The following ACACB variants were observed in gnomAD, a reference collection of about 807,000 sequenced individuals.
The protein encoded by ACACB is acetyl-CoA carboxylase 2.
Under a neutral mutation model 278.8 loss-of-function variants are expected in ACACB, and 209 were observed. The observed-to-expected ratio is 0.75, with a 90% CI of 0.67 to 0.84. The LOEUF is 0.84. Ranked by LOEUF, ACACB falls within the 40% of genes least tolerant of loss-of-function variation. The pLI is 0.00. For missense variants in ACACB, 2,850 were observed against 3,269.0 expected, an observed-to-expected ratio of 0.87 and a Z score of 3.13; for synonymous variants, 1,174 against 1,285.6, an observed-to-expected ratio of 0.91 and a Z score of 1.86.
intron 24 of ACACB, among the ~76,000 whole-genome samples, chr12:109,220,122 C>T (rs2136495004): frequency 6.6e-6 from 1 of 152,238 alleles, no homozygotes; most frequent in East Asian, 1.9e-4. Context: ...TCATGTACAC[C>T]AGAGGACAGC....
chr12:109,245,824 C>G (rs2046926599), intron 38 of ACACB, 76 bp downstream of exon 38: 1 of 1,554,730 alleles, frequency 6.4e-7, no homozygotes, highest in African/African-American at 1.4e-5. Context: ...TGCAGTAGCT[C>G]ACACCTGTAA....
intron 21 of ACACB, among the ~76,000 whole-genome samples, chr12:109,210,050 T>C (rs1213796011): frequency 2.0e-5 from 2 of 97,758 alleles, no homozygotes; most frequent in East Asian, 7.1e-4. Flanking sequence ...TGTGTATATA[T>C]ACACACACGT....
intron 24 of ACACB, 60 bp downstream of exon 24, chr12:109,216,980 T>C: frequency 1.3e-6 from 2 of 1,573,792 alleles, no homozygotes; most frequent in Non-Finnish European, 1.7e-6. Flanking sequence ...ACAAACGTTT[T>C]CTTAAAAGGG....
rs1464277235 is a variant in ACACB, at chr12:109,216,216, TCTC to T, written c.3351-401_3351-399del. Among the ~76,000 whole-genome samples the T allele has an allele frequency of 6.7e-4, 97 of 143,746 alleles. No individual in the cohort carries two copies. The South Asian group carries it at 0.011, about 17-fold the overall frequency. 94.3% of individuals were successfully genotyped at this position (143,746 alleles called of 152,430 possible). A position where few individuals can be genotyped will look rare whatever the true frequency, so the allele number is the denominator to read the frequency against. On this transcript the variant is annotated intron_variant, in intron 22 of 52. Coordinates refer to ENST00000338432, the MANE Select transcript of ACACB (RefSeq NM_001093.4). The stretch of plus-strand genomic sequence containing the variant: ...TCCTTTCTAAAATCCTTTCTCTCTC[TCTC>T]TTTTTTTTTTTTTTTTTTTTGAGAC...
chr12:109,199,744 T>C (rs7959980), intron 18 of ACACB, among the ~76,000 whole-genome samples, 192 bp downstream of exon 18: 16,282 of 152,204 alleles, frequency 0.11, 1,043 homozygotes, highest in Non-Finnish European at 0.14. Context: ...CTGGGCGTGG[T>C]GGTTCACGCC....
intron 2 of ACACB, among the ~76,000 whole-genome samples, chr12:109,154,268 C>T (rs1017770767): frequency 2.6e-5 from 4 of 152,198 alleles, no homozygotes; most frequent in African/African-American, 9.7e-5. Flanking sequence ...TGCGCAGCCA[C>T]CTGTCCCAGG....
Position 109,188,177 on chromosome 12 carries a change from CCTTCCTTCCT to C in ACACB, c.2144+16_2144+25del. The C allele has an allele frequency of 4.9e-6, 1 of 202,712 alleles. No homozygotes were observed. The highest frequency in any genetic ancestry group is 8.3e-6 in the Non-Finnish European group (1 of 119,956). The allele number at this position is 202,712 out of a possible 1,614,324, so 12.6% of individuals were successfully genotyped here. On this transcript the variant is annotated intron_variant, in intron 13 of 52. Coordinates refer to ENST00000338432, the MANE Select transcript of ACACB (RefSeq NM_001093.4). ...GAGGCCATTTCGTCAGTATCTCCTT[CCTTCCTTCCT>C]TCCTTCCTTCCTTCCTTCCTTCCTT...
At chr12:109,145,768 AGG>A (rs1387934110) in intron 2 of ACACB, among the ~76,000 whole-genome samples, 1 of 151,870 alleles carries the variant, frequency 6.6e-6, no homozygotes. Flanking sequence ...TGGGAGGCCG[AGG>A]GGGGCGGATC....
At chr12:109,133,872 T>A (rs12815738) in intron 1 of ACACB, among the ~76,000 whole-genome samples, 63 of 81,110 alleles carry the variant, frequency 7.8e-4, no homozygotes, top group African/African-American at 2.0e-3. Context: ...TATTTTTTTT[T>A]TTTTTTTTTT....
intron 1 of ACACB, among the ~76,000 whole-genome samples, chr12:109,128,939 A>G (rs1198291025): frequency 6.6e-6 from 1 of 151,926 alleles, no homozygotes; most frequent in Non-Finnish European, 1.5e-5. Flanking sequence ...TGTCTGGTCA[A>G]CTTAATAAAT....
At chr12:109,174,907 CT>C (rs1177048767) in intron 7 of ACACB, among the ~76,000 whole-genome samples, 9 of 151,318 alleles carry the variant, frequency 5.9e-5, no homozygotes, top group East Asian at 3.9e-4. Context: ...TAGTTTGTGA[CT>C]TTTTTTTTCC....
rs1273751566 is a variant in ACACB at position 109,193,635 on chromosome 12, T to G, written c.2400-13T>G. 3.7e-6 allele frequency: 6 copies of G among 1,607,574 alleles called. No homozygotes were observed. In the African/African-American group the frequency reaches 8.0e-5, roughly 21 times the overall value. ...CCTCCCAAGGCTGACCACAACCCTG[T>G]CTTTTCTTTCAGGGGCCAGGTCCTC... On this transcript the variant is annotated splice_polypyrimidine_tract_variant and intron_variant, in intron 15 of 52. Transcript: ENST00000338432.
chr12:109,178,824 T>C (rs1368507565), intron 9 of ACACB, among the ~76,000 whole-genome samples: 1 of 152,146 alleles, frequency 6.6e-6, no homozygotes, highest in Non-Finnish European at 1.5e-5. Flanking sequence ...TGTTTGTGAT[T>C]AGCCATCTCT....
Position 109,246,256 on chromosome 12 carries a change from T to C in ACACB, c.5379T>C (p.Asn1793=), listed in dbSNP as rs956749060. 1.9e-6 allele frequency: 3 copies of C among 1,613,256 alleles called. No homozygotes were observed. Among genetic ancestry groups the C allele is most frequent in the African/African-American group, 2.7e-5 (2 of 74,620 alleles). Residue 1793 remains asparagine, a synonymous_variant, in exon 39 of 53, where the codon AAT becomes AAC. Transcript: ENST00000338432. ...PEGRDVIVIG[N]DITFRIGSFG... ...GACGGGATGTGATCGTCATCGGCAA[T>C]GACATCACCTTTCGCATTGGATCCT...
Position 109,223,895 on chromosome 12 carries a change from G to T in ACACB, c.3873G>T (p.Ala1291=), listed in dbSNP as rs145779356. 17 of 1,613,784 alleles carry T rather than the reference G, an allele frequency of 1.1e-5. No individual in the cohort carries two copies. Among genetic ancestry groups the T allele is most frequent in the Admixed American group, 8.3e-5 (5 of 59,998 alleles). The part of the protein sequence containing the change: ...FYHANKVVCM[A]SLEVYVRRGY... Reference sequence around the variant, plus strand: ...ACGCAAACAAAGTCGTGTGCATGGCGTCCTTGGAGGTAAGCAGGAGAGGCC... The same window carrying T: ...ACGCAAACAAAGTCGTGTGCATGGCTTCCTTGGAGGTAAGCAGGAGAGGCC... Residue 1291 remains alanine (A), a synonymous_variant, in exon 27 of 53, where the codon GCG becomes GCT. Transcript: ENST00000338432.
chr12:109,245,425 C>G (rs1436229967), intron 37 of ACACB, among the ~76,000 whole-genome samples: 3 of 152,094 alleles, frequency 2.0e-5, no homozygotes, highest in Non-Finnish European at 4.4e-5. Context: ...AAACTTTAAA[C>G]AACTATGGAA....
intron 17 of ACACB, among the ~76,000 whole-genome samples, chr12:109,197,910 T>C (rs2045198447): frequency 6.6e-6 from 1 of 152,168 alleles, no homozygotes; most frequent in Non-Finnish European, 1.5e-5. Flanking sequence ...TTTTTTTCTT[T>C]TTGAGAGAGG....
rs753548861 is a variant in ACACB at position 109,139,703 on chromosome 12, C to G, written c.298C>G (p.Pro100Ala). Residue 100 changes from proline to alanine, a missense_variant, in exon 2 of 53, where the codon CCA becomes GCA. Around this residue, in one of 3 missense-constraint regions of ACACB, gnomAD observed 2,265 missense variants for 2,561.3 expected, o/e 0.88. Transcript: ENST00000338432. The stretch of plus-strand genomic sequence containing the variant: ...CCTACCACCCTCCCACCAGAAGCCC[C>G]CAAGAAACCCCCTTTCTTCCAGTGA... ...NSLPPSHQKPPRNPLSSSDAA... is the reference protein window; with the variant it reads ...NSLPPSHQKPARNPLSSSDAA... 1.2e-6 allele frequency: 2 copies of G among 1,614,052 alleles called. No individual in the cohort carries two copies. The highest frequency in any genetic ancestry group is 2.2e-5 in the South Asian group (2 of 91,068).
intron 17 of ACACB, among the ~76,000 whole-genome samples, chr12:109,197,609 A>G (rs369710818): frequency 1.3e-5 from 2 of 152,274 alleles, no homozygotes; most frequent in East Asian, 3.9e-4. Flanking sequence ...CTGAACAAAC[A>G]GATAGTGGCA....
Sources: gnomAD v4.1 joint callset for allele counts (sites outside exome capture counted in the v4.1 genomes callset) on GRCh38, gnomAD v4.1.1 for gene constraint, gnomAD v4.1.1 regional missense constraint, MANE v1.5 for transcripts, NCBI Gene and HGNC (gene_info 2026-07-23, HGNC 2026-07-21) for gene names.